Variants in CIMAP2 observed in about 807,000 individuals in gnomAD.
CIMAP2 encodes ciliary microtubule associated protein 2.
chr1:54,812,246 C>G, the CIMAP2 span: 1 of 1,602,038 alleles, frequency 6.2e-7, no homozygotes, highest in African/African-American at 1.3e-5. Context: ...TGACAGGCCT[C>G]ACTAGTCAGC....
the CIMAP2 span, among the ~76,000 whole-genome samples, chr1:54,835,937 C>G: frequency 1.3e-5 from 2 of 152,092 alleles, no homozygotes; most frequent in South Asian, 2.1e-4. Context: ...CATAGTTGGC[C>G]TTCACCATGA....
chr1:54,811,766 C>CGGGGGGGGGGGGGCG, the CIMAP2 span: 5 of 1,305,184 alleles, frequency 3.8e-6, no homozygotes, highest in Non-Finnish European at 5.4e-6. Flanking sequence ...GTTCTGACAG[C>CGGGGGGGGGGGGGCG]CTCCATGCCC....
the CIMAP2 span, among the ~76,000 whole-genome samples, chr1:54,813,542 T>C: frequency 3.3e-5 from 5 of 151,852 alleles, no homozygotes; most frequent in Admixed American, 6.6e-5. Context: ...AAAGAAGAAA[T>C]GGATGAAAAG....
chr1:54,811,765 G>GCCGGGGGGGGC, the CIMAP2 span: 2 of 1,301,330 alleles, frequency 1.5e-6, no homozygotes, highest in Non-Finnish European at 2.2e-6. Context: ...GGTTCTGACA[G>GCCGGGGGGGGC]CCTCCATGCC....
chr1:54,815,122 A>G, the CIMAP2 span: 134 of 1,564,600 alleles, frequency 8.6e-5, no homozygotes, highest in African/African-American at 1.5e-3. Flanking sequence ...TCCCCAGGTA[A>G]CCGATGCTTT....
the CIMAP2 span, among the ~76,000 whole-genome samples, chr1:54,839,324 G>C: frequency 5.9e-5 from 9 of 151,988 alleles, no homozygotes; most frequent in African/African-American, 2.2e-4. Context: ...AAGCTGCTTG[G>C]ACTTTATTCT....
At chr1:54,817,161 G>A in the CIMAP2 span, 44 of 1,610,678 alleles carry the variant, frequency 2.7e-5, no homozygotes, top group Admixed American at 3.3e-5. Flanking sequence ...GGGCGAGGGC[G>A]GTGGGGGGTC....
At chr1:54,817,306 A>T in the CIMAP2 span, among the ~76,000 whole-genome samples, 109 of 152,012 alleles carry the variant, frequency 7.2e-4, 1 homozygote, top group Non-Finnish European at 2.2e-4. Context: ...ACTTACTGTA[A>T]GTGTGAGGTG....
chr1:54,814,119 C>G, the CIMAP2 span: 1 of 1,056,184 alleles, frequency 9.5e-7, no homozygotes, highest in Non-Finnish European at 1.3e-6. Context: ...TGGTCTGGAA[C>G]ATTGGGACAC....
chr1:54,808,611 C>CGGG, the CIMAP2 span, among the ~76,000 whole-genome samples: 1 of 44,206 alleles, frequency 2.3e-5, no homozygotes, highest in African/African-American at 5.8e-5. Context: ...CCAGGTGCTG[C>CGGG]CGGGGGAGGG....
chr1:54,811,953 C>A, the CIMAP2 span: 11 of 1,613,952 alleles, frequency 6.8e-6, no homozygotes, highest in Admixed American at 1.7e-4. Context: ...GCTGGCCAGG[C>A]CTTGCCTGCC....
chr1:54,824,688 A>G, the CIMAP2 span, among the ~76,000 whole-genome samples: 1 of 151,438 alleles, frequency 6.6e-6, no homozygotes, highest in Non-Finnish European at 1.5e-5. Flanking sequence ...TTGTATTTTT[A>G]ATTTCCTATA....
the CIMAP2 span, chr1:54,811,765 G>GCCGGGGGGGGGCCCCCC: frequency 1.1e-5 from 14 of 1,301,284 alleles, no homozygotes; most frequent in Non-Finnish European, 1.2e-5. Context: ...GGTTCTGACA[G>GCCGGGGGGGGGCCCCCC]CCTCCATGCC....
At chr1:54,811,695 C>T in the CIMAP2 span, 2 of 1,386,010 alleles carry the variant, frequency 1.4e-6, no homozygotes, top group Admixed American at 1.8e-5. Flanking sequence ...AAATCCCATT[C>T]CCTTCTTGGG....
the CIMAP2 span, among the ~76,000 whole-genome samples, chr1:54,823,568 A>C: frequency 6.6e-6 from 1 of 152,128 alleles, no homozygotes; most frequent in African/African-American, 2.4e-5. Context: ...TTACATTCAA[A>C]GTTGTTATTG....
chr1:54,816,198 C>A, the CIMAP2 span, among the ~76,000 whole-genome samples: 1 of 152,236 alleles, frequency 6.6e-6, no homozygotes, highest in African/African-American at 2.4e-5. Context: ...GGGAGAGCCC[C>A]TCTGCTGGCA....
chr1:54,817,309 G>C, the CIMAP2 span, among the ~76,000 whole-genome samples: 1 of 152,228 alleles, frequency 6.6e-6, no homozygotes, highest in Non-Finnish European at 1.5e-5. Context: ...TACTGTAAGT[G>C]TGAGGTGGGG....
chr1:54,841,590 G>A, the CIMAP2 span: 4 of 1,614,148 alleles, frequency 2.5e-6, no homozygotes, highest in Non-Finnish European at 3.4e-6. Context: ...TGAACTGAGT[G>A]TGAATTGCTG....
At chr1:54,833,600 GTT>G in the CIMAP2 span, among the ~76,000 whole-genome samples, 38 of 152,180 alleles carry the variant, frequency 2.5e-4, no homozygotes, top group Non-Finnish European at 3.1e-4. Flanking sequence ...GCAGCCTTTT[GTT>G]TTCCATTCTG....
Sources: gnomAD v4.1 joint callset for allele counts (sites outside exome capture counted in the v4.1 genomes callset) on GRCh38, gnomAD v4.1.1 for gene constraint, MANE v1.5 for transcripts, NCBI Gene and HGNC (gene_info 2026-07-23, HGNC 2026-07-21) for gene names.